The following CAPN2 variants were observed in gnomAD, a reference collection of about 807,000 sequenced individuals.
The protein encoded by CAPN2 is calpain 2, also known as calpain-2 catalytic subunit.
A neutral mutation model predicts 102.3 loss-of-function variants in CAPN2; 92 were observed. The observed-to-expected ratio is 0.90, with a 90% CI of 0.76 to 1.07. The LOEUF (loss-of-function observed/expected upper bound fraction) is 1.07, where lower values mean the gene tolerates loss of function less well. CAPN2 is among the 50% of genes least tolerant of loss of function. CAPN2 has a pLI of 0.00. For missense variants in CAPN2, 800 were observed against 909.4 expected (o/e 0.88, Z 1.55); for synonymous variants, 340 against 355.4 (o/e 0.96, Z 0.49).
In CAPN2 at chr1:223,750,987, G is replaced by T; in HGVS notation, c.899+12G>T. 6.4e-7 allele frequency: 1 copy of T among 1,550,416 alleles called. No homozygotes were observed. The highest frequency in any genetic ancestry group is 8.7e-7 in the Non-Finnish European group (1 of 1,145,782). On this transcript the variant is annotated intron_variant, in intron 7 of 20. Transcript: ENST00000295006. ...CGGTGGAATGACAAGTGAGGAGGGC[G>T]CAGGCCTCGGGGCCCCAGGCGGGGG...
At chr1:223,766,902 G>A (rs1262513288) in intron 16 of CAPN2, among the ~76,000 whole-genome samples, 3 of 151,950 alleles carry the variant, frequency 2.0e-5, no homozygotes. Context: ...GGAGGTTGCA[G>A]TGAGCTGAGA....
chr1:223,713,625 C>T (rs1388050381), intron 1 of CAPN2, among the ~76,000 whole-genome samples: 1 of 152,170 alleles, frequency 6.6e-6, no homozygotes, highest in Non-Finnish European at 1.5e-5. Flanking sequence ...CCCTGAGGCT[C>T]CTCCTCCTTT....
rs547110203 is a variant in CAPN2 at position 223,734,919 on chromosome 1, G to A, written c.308-9181G>A. 2.1e-3 allele frequency among the ~76,000 whole-genome samples: 317 copies of A among 152,288 alleles called. 1 individual carries two copies. The highest frequency in any genetic ancestry group is 7.3e-3 in the African/African-American group (305 of 41,552). ...GAGTAGTTTCCCCAGGTCACAGTCA[G>A]GATTTGAACTCCATGGTCTGGCTCT... On this transcript the variant is annotated intron_variant, in intron 2 of 20. Transcript: ENST00000295006.
At chr1:223,766,981 A>G (rs1032297803) in intron 16 of CAPN2, among the ~76,000 whole-genome samples, 6 of 151,596 alleles carry the variant, frequency 4.0e-5, no homozygotes, top group African/African-American at 1.5e-4. Context: ...AAGAAAAAGA[A>G]TGTAGGCCCA....
chr1:223,734,570 G>A (rs975722776), intron 2 of CAPN2, among the ~76,000 whole-genome samples: 2 of 151,970 alleles, frequency 1.3e-5, no homozygotes, highest in Admixed American at 6.5e-5. Context: ...ACTCTCCCCC[G>A]CAGCTCCCCT....
At chr1:223,771,783 GAGTT>G (rs753989860) in intron 18 of CAPN2, 22 bp from the exon 19 acceptor site, 12 of 1,350,914 alleles carry the variant, frequency 8.9e-6, no homozygotes, top group Non-Finnish European at 1.3e-5. Context: ...GCTTAGCAAT[GAGTT>G]TGTTTGTTCA....
At chr1:223,742,263 G>A (rs1378066092) in intron 2 of CAPN2, among the ~76,000 whole-genome samples, 19 of 151,776 alleles carry the variant, frequency 1.3e-4, no homozygotes, top group Admixed American at 1.2e-3. Context: ...ATGGTGGCAG[G>A]TGCCTATAAT....
At chr1:223,769,982 C>T in intron 17 of CAPN2, 73 bp downstream of exon 17, 1 of 1,155,556 alleles carries the variant, frequency 8.7e-7, no homozygotes, top group Non-Finnish European at 1.3e-6. Context: ...TGCAGCAACT[C>T]CTGCACAGAG....
At chr1:223,765,716 G>GA (rs1661296006) in intron 15 of CAPN2, among the ~76,000 whole-genome samples, 1 of 142,948 alleles carries the variant, frequency 7.0e-6, no homozygotes, top group African/African-American at 2.6e-5. Flanking sequence ...CCATCTAAGG[G>GA]GTTGGTGCCC....
chr1:223,744,247 C>T, intron 3 of CAPN2, 29 bp downstream of exon 3: 6 of 1,406,358 alleles, frequency 4.3e-6, no homozygotes, highest in Non-Finnish European at 6.1e-6. Flanking sequence ...CAGGTGGTTC[C>T]TCAACAGGTC....
At chr1:223,720,769 A>T (rs1660030947) in intron 2 of CAPN2, among the ~76,000 whole-genome samples, 1 of 152,178 alleles carries the variant, frequency 6.6e-6, no homozygotes, top group Admixed American at 6.5e-5. Flanking sequence ...TACAGATAAA[A>T]AAAAACTGAG....
intron 15 of CAPN2, among the ~76,000 whole-genome samples, chr1:223,764,776 T>C (rs1234341776): frequency 6.6e-6 from 1 of 152,160 alleles, no homozygotes; most frequent in African/African-American, 2.4e-5. Flanking sequence ...TTCCTAGAGA[T>C]GGGGTTTCTC....
At chr1:223,751,863 G>A (rs1660908607) in intron 7 of CAPN2, 134 bp from the exon 8 acceptor site, 1 of 658,156 alleles carries the variant, frequency 1.5e-6, no homozygotes, top group Non-Finnish European at 2.7e-6. Flanking sequence ...CTGTTAGCCA[G>A]ATGTGGGCTA....
At chr1:223,745,897 C>A (rs1301881105) in intron 4 of CAPN2, among the ~76,000 whole-genome samples, 1 of 152,250 alleles carries the variant, frequency 6.6e-6, no homozygotes, top group Non-Finnish European at 1.5e-5. Flanking sequence ...ATGGGCAGAA[C>A]TATTCATTGC....
chr1:223,706,433 T>C (rs532565419), intron 1 of CAPN2, among the ~76,000 whole-genome samples: 2 of 152,350 alleles, frequency 1.3e-5, no homozygotes, highest in Non-Finnish European at 2.9e-5. Context: ...GGAATTCATA[T>C]TCTCTGTGAT....
At position 223,766,380 on chromosome 1, in the gene CAPN2, G is replaced by A; in HGVS notation, c.1704G>A (p.Lys568=). ...RRVLAKRQDI[K]SDGFSIETCK... Reference sequence around the variant, plus strand: ...TTTGTCTTTTAGGCCAAGATATCAAGTCAGATGGCTTCAGCATCGAGACAT... The same window carrying A: ...TTTGTCTTTTAGGCCAAGATATCAAATCAGATGGCTTCAGCATCGAGACAT... The change falls in exon 16 of 21, where the codon AAG becomes AAA. Residue 568 remains lysine (K), a synonymous_variant. Transcript: ENST00000295006. The A allele has an allele frequency of 6.2e-7, 1 of 1,613,824 alleles. No homozygotes were observed. The highest frequency in any genetic ancestry group is 8.5e-7 in the Non-Finnish European group (1 of 1,179,688).
intron 2 of CAPN2, among the ~76,000 whole-genome samples, chr1:223,735,504 G>A (rs1407767344): frequency 1.3e-5 from 2 of 150,962 alleles, no homozygotes; most frequent in African/African-American, 4.9e-5. Flanking sequence ...CTCCAGCCTG[G>A]GCAACAGAGT....
At position 223,742,498 on chromosome 1, in the gene CAPN2, GTA is replaced by G. The variant is rs1553254399; in HGVS notation, c.308-1582_308-1581del. Among the ~76,000 whole-genome samples the G allele has an allele frequency of 9.2e-4, 117 of 127,250 alleles. 1 individual carries two copies. The highest frequency in any genetic ancestry group is 3.4e-3 in the South Asian group (14 of 4,114). The allele number at this position is 127,250 out of a possible 152,430, so 83.5% of individuals were successfully genotyped here. On this transcript the variant is annotated intron_variant, in intron 2 of 20. Coordinates refer to ENST00000295006, the MANE Select transcript of CAPN2 (RefSeq NM_001748.5). ...TATTACATATTTTATATATATGTGT[GTA>G]TATATATATATATATATATTTTTTT...
intron 16 of CAPN2, among the ~76,000 whole-genome samples, chr1:223,767,550 T>C (rs1332053565): frequency 6.6e-6 from 1 of 151,612 alleles, no homozygotes; most frequent in Non-Finnish European, 1.5e-5. Flanking sequence ...TAGTATTCCA[T>C]GGTGTATATG....
Sources: allele counts gnomAD v4.1 joint callset (sites outside exome capture counted in the v4.1 genomes callset), GRCh38; gene constraint gnomAD v4.1.1; transcripts MANE v1.5; gene names NCBI Gene and HGNC (gene_info 2026-07-23, HGNC 2026-07-21).